Variants in HIBCH observed in about 807,000 individuals in gnomAD.
The protein encoded by HIBCH is 3-hydroxyisobutyryl-CoA hydrolase.
In HIBCH, 50 loss-of-function variants were observed where a neutral mutation model predicts 58.2. That is an observed-to-expected ratio of 0.86 (90% CI 0.68 to 1.09). The LOEUF (loss-of-function observed/expected upper bound fraction) is 1.09. Among genes scored for constraint, HIBCH ranks in the 50% least tolerant of loss-of-function variants. The pLI, the probability that HIBCH is intolerant of heterozygous loss-of-function variation, is 0.00. For missense variants in HIBCH, 450 were observed against 449.7 expected (o/e 1.00, Z -0.01); for synonymous variants, 151 against 146.9 (o/e 1.03, Z -0.20).
Position 190,293,440 on chromosome 2 carries a change from C to T in HIBCH, c.304+1106G>A, listed in dbSNP as rs558947358. Reference sequence around the variant, plus strand: ...TGCACTCCAGCCTGCGCAACAAGAGCGAAACTCCGTCTCAAAAAAAAAAAT... The same window carrying T: ...TGCACTCCAGCCTGCGCAACAAGAGTGAAACTCCGTCTCAAAAAAAAAAAT... On this transcript the variant is annotated intron_variant, in intron 4 of 13. Transcript: ENST00000359678. Among the ~76,000 whole-genome samples the T allele has an allele frequency of 2.7e-5, 4 of 145,636 alleles. No individual in the cohort carries two copies. In the South Asian group the frequency reaches 6.7e-4, roughly 25 times the overall value.
At chr2:190,213,098 ACT>A (rs781475598) in intron 11 of HIBCH, 23 bp from the exon 12 acceptor site, 1 of 1,553,452 alleles carries the variant, frequency 6.4e-7, no homozygotes, top group Non-Finnish European at 8.9e-7. Context: ...AAAATTTACT[ACT>A]GTTAGTCCAA....
At chr2:190,255,565 C>T (rs57628475) in intron 7 of HIBCH, among the ~76,000 whole-genome samples, 3,852 of 152,250 alleles carry the variant, frequency 0.025, 175 homozygotes, top group African/African-American at 0.088. Context: ...ATAGTGTTTT[C>T]AACACACTGA....
At chr2:190,285,035 AT>A (rs1209814784) in intron 6 of HIBCH, among the ~76,000 whole-genome samples, 1 of 152,028 alleles carries the variant, frequency 6.6e-6, no homozygotes, top group African/African-American at 2.4e-5. Flanking sequence ...TCACTTATAT[AT>A]TTTTTTGAAT....
At chr2:190,250,836 C>T (rs1000769115) in intron 8 of HIBCH, among the ~76,000 whole-genome samples, 16 of 152,198 alleles carry the variant, frequency 1.1e-4, no homozygotes, top group Admixed American at 8.5e-4. Flanking sequence ...ATAAAAATTT[C>T]CACAGCCAAT....
Position 190,214,298 on chromosome 2 carries a change from G to A in HIBCH, c.892-1223C>T, listed in dbSNP as rs530843837. On this transcript the variant is annotated intron_variant, in intron 11 of 13. Coordinates refer to ENST00000359678, the MANE Select transcript of HIBCH (RefSeq NM_014362.4). This position sits in a 1 kb window ranked among gnomAD's most constrained non-coding sequence, Gnocchi z 5.5. ...TTTTCAGAGAACCCGGAGTGTGCAA[G>A]AAACCTCCAGTAAGGGGGGCTGAGT... 4 of 152,350 alleles carry A rather than the reference G, an allele frequency of 2.6e-5. No homozygotes were observed. In the East Asian group the frequency reaches 7.7e-4, roughly 29 times the overall value. The allele number at this position is 152,350 out of a possible 1,614,324, so 9.4% of individuals were successfully genotyped here.
At chr2:190,267,881 G>A (rs897632971) in intron 6 of HIBCH, among the ~76,000 whole-genome samples, 19 of 152,092 alleles carry the variant, frequency 1.2e-4, no homozygotes, top group Non-Finnish European at 2.2e-4. Flanking sequence ...GGATGACCTC[G>A]AATTAAGTCC....
At chr2:190,317,715 G>C (rs1688739078) in intron 1 of HIBCH, among the ~76,000 whole-genome samples, 1 of 152,178 alleles carries the variant, frequency 6.6e-6, no homozygotes. Flanking sequence ...TTAAGGTTTG[G>C]GAGTGTGGGA....
In HIBCH at chr2:190,269,676, G is replaced by A. The variant is rs1410247100; in HGVS notation, c.439-8442C>T. ...GAAGACAGTTTGGTGATTTCTCAAG[G>A]ATCTAGAACCAGAAACCCCATTTGA... On this transcript the variant is annotated intron_variant, in intron 6 of 13. Transcript: ENST00000359678. Among the ~76,000 whole-genome samples, 13 of 152,264 alleles carry A rather than the reference G, an allele frequency of 8.5e-5. No individual in the cohort carries two copies. In the East Asian group the frequency reaches 2.5e-3, roughly 29 times the overall value.
At chr2:190,250,432 A>G in intron 8 of HIBCH, 2 of 465,026 alleles carry the variant, frequency 4.3e-6, no homozygotes, top group African/African-American at 2.0e-5. Context: ...ACCCACTTCT[A>G]ATCGCATCCC....
chr2:190,319,797 CCG>C lies in HIBCH; in HGVS notation c.-49_-48del, dbSNP rs1301921462. 6.3e-7 allele frequency: 1 copy of C among 1,594,608 alleles called. No homozygotes were observed. The highest frequency in any genetic ancestry group is 1.3e-5 in the African/African-American group (1 of 74,736). On this transcript the variant is annotated 5_prime_UTR_variant, in exon 1 of 14. Transcript: ENST00000359678. ...AGCAGCAGAGCGAGAATCTCCCGGA[CCG>C]TTCCAGCGCCTCGCGTGAGCCCCGC...
chr2:190,232,169 C>T lies in HIBCH; in HGVS notation c.891+12718G>A, dbSNP rs1426730831. Among the ~76,000 whole-genome samples the T allele has an allele frequency of 3.3e-5, 5 of 151,790 alleles. No individual in the cohort carries two copies. In the South Asian group the frequency reaches 6.3e-4, roughly 19 times the overall value. On this transcript the variant is annotated intron_variant, in intron 11 of 13. Coordinates refer to ENST00000359678, the MANE Select transcript of HIBCH (RefSeq NM_014362.4). Reference sequence around the variant, plus strand: ...GAGACTGTGCCACTGCACTCCAGCCCGGGCAACAGAGCAAGACTCCATCTC... The same window carrying T: ...GAGACTGTGCCACTGCACTCCAGCCTGGGCAACAGAGCAAGACTCCATCTC...
At chr2:190,318,754 T>G (rs1688770556) in intron 1 of HIBCH, among the ~76,000 whole-genome samples, 1 of 152,216 alleles carries the variant, frequency 6.6e-6, no homozygotes, top group Non-Finnish European at 1.5e-5. Flanking sequence ...TGTACTGATT[T>G]TCTTAGCATT....
At position 190,208,721 on chromosome 2, in the gene HIBCH, A is replaced by G. The variant is rs145337033; in HGVS notation, c.1045+159T>C. On this transcript the variant is annotated intron_variant, in intron 13 of 13. Coordinates refer to ENST00000359678, the MANE Select transcript of HIBCH (RefSeq NM_014362.4). ...ATATTTGCATTATACTTATGGTCCAATGAACATTTGAGTGTCATGTTGGTG... is the reference window on the plus strand; with the variant it reads ...ATATTTGCATTATACTTATGGTCCAGTGAACATTTGAGTGTCATGTTGGTG... 8.8e-4 allele frequency: 607 copies of G among 689,512 alleles called. No individual in the cohort carries two copies. The African/African-American group carries it at 9.7e-3, about 11-fold the overall frequency. 42.7% of individuals were successfully genotyped at this position (689,512 alleles called of 1,614,324 possible). A position where few individuals can be genotyped will look rare whatever the true frequency, so the allele number is the denominator to read the frequency against.
At chr2:190,239,999 T>C (rs1686405073) in intron 11 of HIBCH, among the ~76,000 whole-genome samples, 1 of 152,230 alleles carries the variant, frequency 6.6e-6, no homozygotes, top group African/African-American at 2.4e-5. Context: ...GGTATCAGGA[T>C]GAGGCTGGCC....
chr2:190,241,240 T>C (rs1191929528), intron 11 of HIBCH, among the ~76,000 whole-genome samples: 2 of 152,254 alleles, frequency 1.3e-5, no homozygotes, highest in African/African-American at 4.8e-5. Flanking sequence ...TTTGTCTTTT[T>C]TGATTGCTTT....
At chr2:190,280,109 C>T (rs768597666) in intron 6 of HIBCH, 4 of 152,148 alleles carry the variant, frequency 2.6e-5, no homozygotes, top group Non-Finnish European at 5.9e-5. Context: ...CACCGGGGAA[C>T]AAGGATTTCT....
intron 6 of HIBCH, among the ~76,000 whole-genome samples, chr2:190,280,415 T>C (rs181378444): frequency 2.6e-5 from 4 of 152,132 alleles, no homozygotes; most frequent in Admixed American, 2.6e-4. Context: ...CAAGTGATGG[T>C]CAGGTGGTTG....
chr2:190,223,329 G>A (rs868662214), intron 11 of HIBCH, among the ~76,000 whole-genome samples: 7 of 152,138 alleles, frequency 4.6e-5, no homozygotes, highest in Non-Finnish European at 1.0e-4. Flanking sequence ...CAAACTCCAG[G>A]GCTCAAGGGA....
downstream of HIBCH, chr2:190,200,299 A>C (rs73978992): frequency 4.1e-3 from 2,752 of 674,438 alleles, 63 homozygotes; most frequent in African/African-American, 0.043. Context: ...CTAGGATGAA[A>C]TGCATTTTAA....
Sources: gnomAD v4.1 joint callset for allele counts (sites outside exome capture counted in the v4.1 genomes callset) on GRCh38, gnomAD v4.1.1 for gene constraint, Gnocchi (gnomAD v3.1) non-coding constraint, MANE v1.5 for transcripts, NCBI Gene and HGNC (gene_info 2026-07-23, HGNC 2026-07-21) for gene names.